The following C10orf67 variants were observed in gnomAD, a reference collection of about 807,000 sequenced individuals.
The protein encoded by C10orf67 is uncharacterized protein C10orf67, mitochondrial.
C10orf67 carries 60 observed loss-of-function variants against 35.6 expected under a neutral mutation model. The observed-to-expected ratio is 1.68, with a 90% CI of 1.37 to 2.09. The LOEUF (loss-of-function observed/expected upper bound fraction) is 2.09, where lower values mean the gene tolerates loss of function less well. Ranked by LOEUF, C10orf67 falls within the 30% of genes most tolerant of loss-of-function variation. C10orf67 has a pLI of 0.00. For missense variants in C10orf67, 474 were observed against 330.2 expected (o/e 1.44, Z -3.38); for synonymous variants, 167 against 115.8 (o/e 1.44, Z -2.84).
chr10:23,266,204 A>AC (rs1842879913), intron 10 of C10orf67, 58 bp downstream of exon 10: 2 of 397,884 alleles, frequency 5.0e-6, no homozygotes, highest in Non-Finnish European at 8.9e-6. Flanking sequence ...GGCTAAAGAG[A>AC]CAGGAGTCCC....
At chr10:23,225,342 C>A (rs1333961476) in intron 13 of C10orf67, among the ~76,000 whole-genome samples, 2 of 152,132 alleles carry the variant, frequency 1.3e-5, no homozygotes, top group African/African-American at 2.4e-5. Context: ...CACCACCAGG[C>A]CTGCCCTAAA....
intron 6 of C10orf67, among the ~76,000 whole-genome samples, 148 bp downstream of exon 6, chr10:23,290,981 ATCT>A (rs1239169928): frequency 6.6e-6 from 1 of 152,248 alleles, no homozygotes; most frequent in Non-Finnish European, 1.5e-5. Flanking sequence ...AAGAAGTGCT[ATCT>A]TTAATAAAAA....
chr10:23,311,605 G>A (rs1300489300), intron 4 of C10orf67, among the ~76,000 whole-genome samples: 1 of 152,154 alleles, frequency 6.6e-6, no homozygotes, highest in African/African-American at 2.4e-5. Flanking sequence ...CAGCTACTCT[G>A]GAGGCTGAGG....
At chr10:23,236,907 A>C (rs927740651) in intron 13 of C10orf67, among the ~76,000 whole-genome samples, 6 of 152,138 alleles carry the variant, frequency 3.9e-5, no homozygotes, top group Non-Finnish European at 8.8e-5. Flanking sequence ...CTTTTATTTT[A>C]GGTTTAGGGG....
At chr10:23,278,849 G>A (rs1045689584) in intron 8 of C10orf67, among the ~76,000 whole-genome samples, 1 of 152,198 alleles carries the variant, frequency 6.6e-6, no homozygotes, top group Admixed American at 6.5e-5. Context: ...TTCAGGTAGG[G>A]TAGATGGCTG....
chr10:23,204,937 G>T (rs999648520), intron 15 of C10orf67, among the ~76,000 whole-genome samples: 1 of 152,198 alleles, frequency 6.6e-6, no homozygotes, highest in Admixed American at 6.5e-5. Flanking sequence ...GCTAATCCCA[G>T]TGAAAGCCGG....
At chr10:23,212,778 TGAGAGAGAGAGAGAGAGAGAGA>T (rs58972226) in intron 15 of C10orf67, among the ~76,000 whole-genome samples, 6 of 101,162 alleles carry the variant, frequency 5.9e-5, no homozygotes, top group Admixed American at 4.2e-4. Context: ...AATATTGTAT[TGAGAGAGAGAGAGAGAGAGAGA>T]GAGAGAGAGA....
chr10:23,228,940 G>T (rs1841826723), intron 13 of C10orf67, among the ~76,000 whole-genome samples: 1 of 152,156 alleles, frequency 6.6e-6, no homozygotes, highest in African/African-American at 2.4e-5. Flanking sequence ...AACAACAGGT[G>T]CTGGAGACGA....
At chr10:23,326,335 T>C (rs900317979) in intron 2 of C10orf67, among the ~76,000 whole-genome samples, 7 of 152,156 alleles carry the variant, frequency 4.6e-5, no homozygotes, top group African/African-American at 1.7e-4. Context: ...GAATGACTAA[T>C]AATGGTTATT....
intron 4 of C10orf67, among the ~76,000 whole-genome samples, chr10:23,314,486 A>T (rs1844620035): frequency 4.2e-5 from 1 of 23,720 alleles, no homozygotes; most frequent in Non-Finnish European, 1.4e-4. Flanking sequence ...AAGTTAAAAC[A>T]CACACACACA....
chr10:23,219,713 C>A (rs1841526631), intron 15 of C10orf67, among the ~76,000 whole-genome samples: 1 of 152,140 alleles, frequency 6.6e-6, no homozygotes. Flanking sequence ...AACAAAAAAT[C>A]ATTTTTAACC....
At chr10:23,266,145 C>T (rs977361215) in intron 10 of C10orf67, 117 bp downstream of exon 10, 48 of 370,364 alleles carry the variant, frequency 1.3e-4, no homozygotes, top group Non-Finnish European at 2.1e-4. Context: ...GAGCCCCCCA[C>T]TCAGGGGGTG....
At chr10:23,262,833 T>C (rs947643107) in intron 10 of C10orf67, among the ~76,000 whole-genome samples, 46 of 152,314 alleles carry the variant, frequency 3.0e-4, no homozygotes, top group African/African-American at 1.1e-3. Context: ...TTAAATATAT[T>C]ACTCACATTT....
At chr10:23,225,432 C>T (rs1364994018) in intron 13 of C10orf67, among the ~76,000 whole-genome samples, 1 of 152,130 alleles carries the variant, frequency 6.6e-6, no homozygotes, top group African/African-American at 2.4e-5. Context: ...ATTGTAAAGA[C>T]CATTAAGGCT....
intron 10 of C10orf67, among the ~76,000 whole-genome samples, chr10:23,252,690 A>G (rs1051144522): frequency 6.6e-6 from 1 of 152,250 alleles, no homozygotes. Flanking sequence ...CACTAAGAAC[A>G]AACAATAAGA....
intron 10 of C10orf67, among the ~76,000 whole-genome samples, chr10:23,264,713 G>C (rs1293537203): frequency 6.6e-6 from 1 of 152,180 alleles, no homozygotes; most frequent in Non-Finnish European, 1.5e-5. Flanking sequence ...GGTTGCTGTG[G>C]GGACCGGGGC....
At chr10:23,279,054 C>A (rs1346648185) in intron 8 of C10orf67, among the ~76,000 whole-genome samples, 2 of 152,132 alleles carry the variant, frequency 1.3e-5, no homozygotes, top group Non-Finnish European at 2.9e-5. Context: ...GAGTTCAAGA[C>A]CAGCCTGGGC....
At chr10:23,333,628 A>G (rs567615142) in intron 1 of C10orf67, among the ~76,000 whole-genome samples, 27 of 152,294 alleles carry the variant, frequency 1.8e-4, no homozygotes, top group African/African-American at 6.5e-4. Flanking sequence ...TTATAATAGT[A>G]TTAAGATTTT....
intron 3 of C10orf67, 43 bp from the exon 4 acceptor site, chr10:23,320,858 C>T: frequency 2.3e-6 from 3 of 1,304,500 alleles, no homozygotes; most frequent in Non-Finnish European, 3.2e-6. Context: ...AATGTATTTC[C>T]AAATATGACC....
Sources: gnomAD v4.1 joint callset for allele counts (sites outside exome capture counted in the v4.1 genomes callset) on GRCh38, gnomAD v4.1.1 for gene constraint, MANE v1.5 for transcripts, NCBI Gene and HGNC (gene_info 2026-07-23, HGNC 2026-07-21) for gene names.